The following SHANK2 variants were observed in gnomAD, a reference collection of about 807,000 sequenced individuals.
The protein encoded by SHANK2 is SH3 and multiple ankyrin repeat domains 2.
In SHANK2, 43 loss-of-function variants were observed where a neutral mutation model predicts 133.7. The observed-to-expected ratio is 0.32, with a 90% CI of 0.25 to 0.41. The LOEUF (loss-of-function observed/expected upper bound fraction) is 0.41. Among genes scored for constraint, SHANK2 ranks in the 10% least tolerant of loss-of-function variants. The pLI, the probability that SHANK2 is intolerant of heterozygous loss-of-function variation, is 1.00. For missense variants in SHANK2, 1,994 were observed against 2,235.8 expected (o/e 0.89, Z 2.18); for synonymous variants, 1,017 against 952.8 (o/e 1.07, Z -1.24).
At chr11:70,777,747 A>G (rs1555044235) in intron 14 of SHANK2, among the ~76,000 whole-genome samples, 1 of 152,128 alleles carries the variant, frequency 6.6e-6, no homozygotes, top group Non-Finnish European at 1.5e-5. Flanking sequence ...GGCTTGCACC[A>G]TTTGCACTTA....
intron 11 of SHANK2, among the ~76,000 whole-genome samples, chr11:70,869,774 A>C (rs1949429116): frequency 6.6e-6 from 1 of 152,172 alleles, no homozygotes; most frequent in African/African-American, 2.4e-5. Context: ...CGGGGAGTCC[A>C]TGGTGGTGTT....
chr11:70,531,417 T>C (rs1403072022), intron 17 of SHANK2, among the ~76,000 whole-genome samples: 1 of 152,146 alleles, frequency 6.6e-6, no homozygotes, highest in Non-Finnish European at 1.5e-5. Flanking sequence ...CTGGGGTGCA[T>C]GCTTGGCAGA....
chr11:70,614,456 C>T (rs549575289), intron 17 of SHANK2, among the ~76,000 whole-genome samples: 6 of 152,070 alleles, frequency 3.9e-5, no homozygotes, highest in Non-Finnish European at 7.4e-5. Flanking sequence ...GGATTGCAGG[C>T]GTGCCCCAAC....
intron 15 of SHANK2, among the ~76,000 whole-genome samples, chr11:70,688,531 T>G (rs1266592405): frequency 6.6e-6 from 1 of 152,202 alleles, no homozygotes. Context: ...CCAGGAAACA[T>G]AGCAAGTGTC....
At chr11:71,064,858 G>A (rs1047893861) in intron 9 of SHANK2, among the ~76,000 whole-genome samples, 2 of 152,278 alleles carry the variant, frequency 1.3e-5, no homozygotes, top group East Asian at 1.9e-4. Context: ...AGGTCGGCAC[G>A]TGGGGCCATT....
At chr11:70,670,510 C>T (rs1390704569) in intron 15 of SHANK2, among the ~76,000 whole-genome samples, 1 of 152,204 alleles carries the variant, frequency 6.6e-6, no homozygotes, top group African/African-American at 2.4e-5. Flanking sequence ...CAGGGCAGCA[C>T]AGAGGGCCGC....
chr11:71,103,100 G>A (rs1555097005), intron 6 of SHANK2, among the ~76,000 whole-genome samples: 2 of 152,320 alleles, frequency 1.3e-5, no homozygotes, highest in South Asian at 2.1e-4. Context: ...ATCACCTGCT[G>A]AAGGCCCCAT....
intron 10 of SHANK2, among the ~76,000 whole-genome samples, chr11:70,913,291 C>T (rs1246331628): frequency 6.6e-6 from 1 of 151,806 alleles, no homozygotes; most frequent in Non-Finnish European, 1.5e-5. Flanking sequence ...ATTATGACAA[C>T]TTGGACCCTT....
intron 15 of SHANK2, chr11:70,697,946 C>T (rs1242301211): frequency 6.6e-6 from 1 of 152,412 alleles, no homozygotes; most frequent in Non-Finnish European, 1.5e-5. Context: ...CAGGAAGAAC[C>T]CTCTATCTGG....
In SHANK2 at chr11:71,202,201, G is replaced by A. The variant is rs1954032226; in HGVS notation, c.-13+22496C>T. The stretch of plus-strand genomic sequence containing the variant: ...ATGGGCCTGGTGGACACACCCTTCT[G>A]CCGGGTGGCAGCCCAGATCAGGAAC... On this transcript the variant is annotated intron_variant, in intron 2 of 25. Transcript: ENST00000601538. Among the ~76,000 whole-genome samples the A allele has an allele frequency of 2.6e-5, 4 of 152,234 alleles. No individual in the cohort carries two copies. The South Asian group carries it at 8.3e-4, about 31-fold the overall frequency.
At chr11:70,806,508 G>GC (rs1230575518) in intron 13 of SHANK2, among the ~76,000 whole-genome samples, 7 of 152,076 alleles carry the variant, frequency 4.6e-5, no homozygotes, top group African/African-American at 1.7e-4. Context: ...GTTGACAATG[G>GC]CCCCCCCAGA....
At chr11:71,092,258 T>C (rs1951530743) in intron 8 of SHANK2, among the ~76,000 whole-genome samples, 164 bp downstream of exon 8, 1 of 152,228 alleles carries the variant, frequency 6.6e-6, no homozygotes, top group Admixed American at 6.5e-5. Context: ...GTTCACATTT[T>C]AAAATCATTT....
At chr11:70,720,574 G>A (rs1359375762) in intron 14 of SHANK2, among the ~76,000 whole-genome samples, 1 of 152,234 alleles carries the variant, frequency 6.6e-6, no homozygotes, top group Non-Finnish European at 1.5e-5. Flanking sequence ...CCCATGGCAG[G>A]GAGGCCCTAA....
At chr11:71,157,432 T>G (rs1555109245) in intron 2 of SHANK2, among the ~76,000 whole-genome samples, 1 of 152,144 alleles carries the variant, frequency 6.6e-6, no homozygotes. Context: ...GTAAGTCTAT[T>G]TCTCTTCCAT....
At chr11:70,504,318 G>A (rs1404232383) in intron 17 of SHANK2, among the ~76,000 whole-genome samples, 2 of 150,878 alleles carry the variant, frequency 1.3e-5, no homozygotes, top group Admixed American at 6.6e-5. Context: ...AGCAGGTACT[G>A]CCTGGCTCAC....
At chr11:71,168,277 A>G (rs1555111546) in intron 2 of SHANK2, among the ~76,000 whole-genome samples, 1 of 119,836 alleles carries the variant, frequency 8.3e-6, no homozygotes, top group African/African-American at 3.5e-5. Context: ...GGCGGCTGGG[A>G]AGAGGCACTC....
intron 17 of SHANK2, among the ~76,000 whole-genome samples, chr11:70,639,639 T>C (rs190642014): frequency 2.0e-5 from 3 of 152,280 alleles, no homozygotes; most frequent in African/African-American, 7.2e-5. Flanking sequence ...TCAATTTCCA[T>C]CTGATTTTCC....
chr11:70,489,026 G>A (rs1181077447), intron 24 of SHANK2: 1 of 395,500 alleles, frequency 2.5e-6, no homozygotes, highest in African/African-American at 2.1e-5. Flanking sequence ...GAGCATGCAG[G>A]TTTTCAAAGA....
At chr11:71,192,378 T>C (rs1365102205) in intron 2 of SHANK2, among the ~76,000 whole-genome samples, 1 of 152,230 alleles carries the variant, frequency 6.6e-6, no homozygotes, top group Non-Finnish European at 1.5e-5. Flanking sequence ...CCTTGAGGAC[T>C]GTTGGGCTAT....
Sources: gnomAD v4.1 joint callset for allele counts (sites outside exome capture counted in the v4.1 genomes callset) on GRCh38, gnomAD v4.1.1 for gene constraint, MANE v1.5 for transcripts, NCBI Gene and HGNC (gene_info 2026-07-23, HGNC 2026-07-21) for gene names.